GRID2: variants seen among roughly 807,000 people sequenced by gnomAD.
The protein encoded by GRID2 is glutamate ionotropic receptor delta type subunit 2.
Under a neutral mutation model 114.8 loss-of-function variants are expected in GRID2, and 33 were observed. The observed-to-expected ratio is 0.29, with a 90% confidence interval of 0.22 to 0.38. The LOEUF (loss-of-function observed/expected upper bound fraction) is 0.38, where lower values mean the gene tolerates loss of function less well. GRID2 is among the 10% of genes least tolerant of loss of function. The pLI, the probability that GRID2 is intolerant of heterozygous loss-of-function variation, is 1.00. For missense variants in GRID2, 1,184 were observed against 1,257.7 expected (o/e 0.94, Z 0.89); for synonymous variants, 505 against 449.9 (o/e 1.12, Z -1.55).
intron 8 of GRID2, among the ~76,000 whole-genome samples, chr4:93,370,476 GACACACACACACACGC>G (rs756131419): frequency 6.7e-4 from 93 of 139,340 alleles, no homozygotes; most frequent in African/African-American, 2.1e-3. Context: ...CGCACACAGA[GACACACACACACACGC>G]ACACACACAC....
At chr4:93,677,619 T>C (rs983418711) in intron 14 of GRID2, among the ~76,000 whole-genome samples, 4 of 152,098 alleles carry the variant, frequency 2.6e-5, no homozygotes, top group Admixed American at 6.6e-5. Flanking sequence ...CATTCGCAGT[T>C]CATGAAAATC....
intron 1 of GRID2, among the ~76,000 whole-genome samples, chr4:92,459,464 G>T (rs1383386899): frequency 6.6e-6 from 1 of 152,174 alleles, no homozygotes; most frequent in Non-Finnish European, 1.5e-5. Context: ...CAACTTTGGA[G>T]TGAAAAGTAC....
chr4:93,395,824 G>A lies in GRID2; in HGVS notation c.1347+116G>A, dbSNP rs568130673. The A allele has an allele frequency of 1.3e-3, 689 of 515,774 alleles. 6 individuals carry two copies. Among genetic ancestry groups the A allele is most frequent in the Non-Finnish European group, 9.0e-4 (252 of 280,652 alleles). 31.9% of individuals were successfully genotyped at this position (515,774 alleles called of 1,614,324 possible). On this transcript the variant is annotated intron_variant, in intron 9 of 15. Coordinates refer to ENST00000282020, the MANE Select transcript of GRID2 (RefSeq NM_001510.4). ...AGAGATTTTAACAAATTCTAAATAC[G>A]CTTTCTAAGATTTTTTAATGGTCAT...
intron 1 of GRID2, among the ~76,000 whole-genome samples, chr4:92,430,607 A>G (rs750566788): frequency 1.3e-5 from 2 of 152,080 alleles, no homozygotes; most frequent in African/African-American, 2.4e-5. Flanking sequence ...GTGATTCTCT[A>G]TACATTTCAG....
At chr4:92,609,246 CCTTA>C (rs1429388286) in intron 2 of GRID2, among the ~76,000 whole-genome samples, 7 of 151,500 alleles carry the variant, frequency 4.6e-5, no homozygotes, top group Admixed American at 2.0e-4. Flanking sequence ...GTCTTGAGAG[CCTTA>C]CTATGTGGTT....
intron 1 of GRID2, among the ~76,000 whole-genome samples, chr4:92,503,101 GTAAA>G (rs1723772128): frequency 6.6e-6 from 1 of 152,056 alleles, no homozygotes; most frequent in African/African-American, 2.4e-5. Context: ...ACAGTTTTAT[GTAAA>G]CGCTTTCTTT....
chr4:93,488,351 A>C (rs932106158), intron 11 of GRID2, among the ~76,000 whole-genome samples: 3 of 151,938 alleles, frequency 2.0e-5, no homozygotes, highest in Non-Finnish European at 2.9e-5. Context: ...TGGGTTCCAG[A>C]TATCAGAGGT....
In GRID2 at chr4:92,480,412, A is replaced by G. The variant is rs116659542; in HGVS notation, c.89-109719A>G. On this transcript the variant is annotated intron_variant, in intron 1 of 15. Transcript: ENST00000282020. ...TTCTCCTTAGTAGGAAAGATAATCT[A>G]TAACTATGGGTGAGCTTATCATCAA... 7.4e-3 allele frequency among the ~76,000 whole-genome samples: 1,123 copies of G among 152,290 alleles called. 14 individuals are homozygous for G. The highest frequency in any genetic ancestry group is 0.012 in the Non-Finnish European group (796 of 68,022).
At chr4:92,626,258 C>G (rs1280776826) in intron 2 of GRID2, among the ~76,000 whole-genome samples, 1 of 151,896 alleles carries the variant, frequency 6.6e-6, no homozygotes, top group African/African-American at 2.4e-5. Context: ...AAGAGCATCA[C>G]ACAAAATGTA....
At chr4:93,211,273 G>A (rs146425932) in intron 5 of GRID2, among the ~76,000 whole-genome samples, 3 of 152,148 alleles carry the variant, frequency 2.0e-5, no homozygotes, top group Non-Finnish European at 4.4e-5. Flanking sequence ...TATTGTATAG[G>A]TGTAGCCTGA....
intron 2 of GRID2, among the ~76,000 whole-genome samples, chr4:92,708,711 G>A (rs11939217): frequency 0.19 from 28,243 of 151,928 alleles, 2,769 homozygotes; most frequent in East Asian, 0.33. Flanking sequence ...TGTTTGTAGC[G>A]AATGTCTTTT....
chr4:92,446,037 C>A (rs555674681), intron 1 of GRID2, among the ~76,000 whole-genome samples: 1 of 152,138 alleles, frequency 6.6e-6, no homozygotes, highest in African/African-American at 2.4e-5. Context: ...CCTCTGCTTC[C>A]CGGGTTCAAG....
intron 2 of GRID2, among the ~76,000 whole-genome samples, chr4:93,061,394 A>G (rs964423903): frequency 6.6e-6 from 1 of 151,936 alleles, no homozygotes; most frequent in Non-Finnish European, 1.5e-5. Flanking sequence ...TAGTAGACGT[A>G]CCAGAGACAA....
intron 2 of GRID2, among the ~76,000 whole-genome samples, chr4:92,799,668 T>C (rs1396119673): frequency 3.3e-5 from 5 of 152,014 alleles, no homozygotes; most frequent in African/African-American, 1.2e-4. Context: ...GTCATCCATT[T>C]AAACTTAATC....
At chr4:93,131,881 C>T (rs1263127680) in intron 4 of GRID2, among the ~76,000 whole-genome samples, 1 of 152,016 alleles carries the variant, frequency 6.6e-6, no homozygotes, top group Non-Finnish European at 1.5e-5. Flanking sequence ...ACTATAGAGC[C>T]GTTATCTAGG....
intron 11 of GRID2, among the ~76,000 whole-genome samples, chr4:93,456,855 A>G (rs187997243): frequency 3.9e-5 from 6 of 152,264 alleles, no homozygotes; most frequent in Non-Finnish European, 2.9e-5. Context: ...TTAATCAAAG[A>G]TTAGTCTAGA....
chr4:92,926,580 T>C (rs1028839442), intron 2 of GRID2, among the ~76,000 whole-genome samples: 1 of 151,994 alleles, frequency 6.6e-6, no homozygotes, highest in Non-Finnish European at 1.5e-5. Context: ...AAGAGTCTAT[T>C]GAATGAGTTA....
intron 1 of GRID2, among the ~76,000 whole-genome samples, chr4:92,433,151 A>G (rs1560625918): frequency 6.6e-6 from 1 of 151,832 alleles, no homozygotes; most frequent in Non-Finnish European, 1.5e-5. Flanking sequence ...ACTCTCCCCT[A>G]TCCTCTCTTC....
At chr4:92,667,291 TTAA>T (rs1451089702) in intron 2 of GRID2, among the ~76,000 whole-genome samples, 1 of 151,652 alleles carries the variant, frequency 6.6e-6, no homozygotes, top group African/African-American at 2.4e-5. Flanking sequence ...TTTTGAGTTT[TTAA>T]TAATATTTGA....
Sources: gnomAD v4.1 joint callset for allele counts (sites outside exome capture counted in the v4.1 genomes callset) on GRCh38, gnomAD v4.1.1 for gene constraint, MANE v1.5 for transcripts, NCBI Gene and HGNC (gene_info 2026-07-23, HGNC 2026-07-21) for gene names.